Variants in MGAT5 observed in about 807,000 individuals in gnomAD.
The protein encoded by MGAT5 is alpha-1,6-mannosylglycoprotein 6-beta-N-acetylglucosaminyltransferase A.
A neutral mutation model predicts 94.3 loss-of-function variants in MGAT5; 30 were observed. The ratio of observed to expected loss-of-function variants is 0.32; its 90% CI spans 0.24 to 0.43. MGAT5 has a LOEUF of 0.43. Ranked by LOEUF, MGAT5 falls within the 20% of genes least tolerant of loss-of-function variation. The pLI is 1.00. For missense variants in MGAT5, 691 were observed against 905.5 expected, an observed-to-expected ratio of 0.76 and a Z score of 3.04; for synonymous variants, 310 against 322.9, an observed-to-expected ratio of 0.96 and a Z score of 0.43.
intron 2 of MGAT5, among the ~76,000 whole-genome samples, chr2:134,270,968 C>T (rs1346753011): frequency 6.6e-6 from 1 of 152,178 alleles, no homozygotes; most frequent in East Asian, 1.9e-4. Flanking sequence ...AAAGAGCCAC[C>T]ATTGCCGAAA....
intron 10 of MGAT5, among the ~76,000 whole-genome samples, chr2:134,387,277 A>T (rs549032955): frequency 7.2e-6 from 1 of 139,020 alleles, no homozygotes; most frequent in Admixed American, 7.5e-5. Context: ...AAAAAATAAA[A>T]ATAAAAAATA....
intron 4 of MGAT5, among the ~76,000 whole-genome samples, chr2:134,331,298 G>A (rs1487605711): frequency 6.6e-6 from 1 of 152,148 alleles, no homozygotes; most frequent in Non-Finnish European, 1.5e-5. Flanking sequence ...TCCATGGAAT[G>A]TGCATTGATG....
At chr2:134,158,565 G>A (rs1277608340) in intron 1 of MGAT5, among the ~76,000 whole-genome samples, 3 of 152,188 alleles carry the variant, frequency 2.0e-5, no homozygotes, top group Non-Finnish European at 4.4e-5. Context: ...GGTGCTAACT[G>A]GACCCCCAAG....
intron 2 of MGAT5, among the ~76,000 whole-genome samples, chr2:134,281,605 G>A (rs1684700061): frequency 6.6e-6 from 1 of 152,152 alleles, no homozygotes; most frequent in Admixed American, 6.6e-5. Context: ...TGGCACAGAA[G>A]GAATTTTCTC....
chr2:134,240,474 G>C (rs922405876), intron 1 of MGAT5, among the ~76,000 whole-genome samples: 1 of 151,990 alleles, frequency 6.6e-6, no homozygotes, highest in African/African-American at 2.4e-5. Flanking sequence ...TTTATTAAGA[G>C]CTTGGATATG....
chr2:134,412,953 T>G lies in MGAT5; in HGVS notation c.1615T>G (p.Phe539Val). 1 of 1,614,152 alleles carries G rather than the reference T, an allele frequency of 6.2e-7. No homozygotes were observed. The highest frequency in any genetic ancestry group is 8.5e-7 in the Non-Finnish European group (1 of 1,180,010). Residue 539 changes from phenylalanine to valine, a missense_variant, in exon 12 of 16, where the codon TTC becomes GTC. Physicochemically the swap from Phe to Val is conservative, Grantham distance 50. Transcript: ENST00000281923. ...TGGATGTGCTTTTCTGAATCCCAAG[T>G]TCAACCCACCCAAAAGCAGCAAAAA... ...ANGCAFLNPK[F>V]NPPKSSKNTD...
At chr2:134,325,293 A>G (rs1687578209) in intron 4 of MGAT5, among the ~76,000 whole-genome samples, 1 of 152,056 alleles carries the variant, frequency 6.6e-6, no homozygotes. Context: ...TGTCATCTCC[A>G]ATTTGTTTTT....
chr2:134,304,564 C>T (rs556657161), intron 2 of MGAT5, among the ~76,000 whole-genome samples: 1 of 152,292 alleles, frequency 6.6e-6, no homozygotes, highest in South Asian at 2.1e-4. Context: ...TGATGAATAG[C>T]ATTCCAGGAT....
rs898575902 is a variant in MGAT5, at chr2:134,451,280, T to G, written c.*2433T>G. 6.6e-6 allele frequency: 1 copy of G among 152,274 alleles called. No individual in the cohort carries two copies. The highest frequency in any genetic ancestry group is 2.4e-5 in the African/African-American group (1 of 41,464). The allele number at this position is 152,274 out of a possible 1,614,324, so 9.4% of individuals were successfully genotyped here. On this transcript the variant is annotated 3_prime_UTR_variant, in exon 16 of 16. Coordinates refer to ENST00000281923, the MANE Select transcript of MGAT5 (RefSeq NM_002410.5). The stretch of plus-strand genomic sequence containing the variant: ...GGCCAGACAGCCCAGAAGAACACTT[T>G]TCTGCCATTTAAAAATCCCTCTTTC...
chr2:134,388,852 C>T (rs1451841045), intron 10 of MGAT5, among the ~76,000 whole-genome samples: 4 of 150,740 alleles, frequency 2.7e-5, no homozygotes, highest in Non-Finnish European at 4.4e-5. Flanking sequence ...ACCTCCACCT[C>T]CCGGTTCAAG....
chr2:134,179,548 T>C lies in MGAT5; in HGVS notation c.-143+59257T>C, dbSNP rs116130061. 7.6e-3 allele frequency among the ~76,000 whole-genome samples: 1,159 copies of C among 152,312 alleles called. 20 individuals are homozygous for C. Among genetic ancestry groups the C allele is most frequent in the African/African-American group, 0.027 (1,110 of 41,564 alleles). ...TATAGAACAAGACCATTCTGGGCACTGCAAGTTGGCTGTCCTATTATCAGC... is the reference window on the plus strand; with the variant it reads ...TATAGAACAAGACCATTCTGGGCACCGCAAGTTGGCTGTCCTATTATCAGC... On this transcript the variant is annotated intron_variant, in intron 1 of 16. Transcript: ENST00000409645.
intron 1 of MGAT5, among the ~76,000 whole-genome samples, chr2:134,261,715 A>G (rs965927855): frequency 8.5e-5 from 13 of 152,150 alleles, no homozygotes; most frequent in Non-Finnish European, 1.5e-4. Flanking sequence ...TTACAATGTA[A>G]GTTCTGAAAG....
intron 1 of MGAT5, among the ~76,000 whole-genome samples, chr2:134,167,481 A>G (rs1321106300): frequency 1.3e-5 from 2 of 152,122 alleles, no homozygotes; most frequent in African/African-American, 4.8e-5. Context: ...TTTCCGATTG[A>G]GTGGGCCTGT....
intron 1 of MGAT5, among the ~76,000 whole-genome samples, chr2:134,187,673 GC>G (rs1276074955): frequency 3.3e-5 from 5 of 152,202 alleles, no homozygotes; most frequent in African/African-American, 7.2e-5. Flanking sequence ...CAACTTTGTT[GC>G]TATGTCCCGA....
intron 1 of MGAT5, among the ~76,000 whole-genome samples, chr2:134,181,861 A>G (rs963305595): frequency 6.6e-6 from 1 of 152,216 alleles, no homozygotes; most frequent in African/African-American, 2.4e-5. Context: ...AGCTTCCTCT[A>G]GGTGCAGTTC....
At chr2:134,333,393 A>G (rs990019514) in intron 4 of MGAT5, among the ~76,000 whole-genome samples, 25 of 130,652 alleles carry the variant, frequency 1.9e-4, no homozygotes, top group Non-Finnish European at 3.9e-4. Flanking sequence ...ATGAGAACAC[A>G]TGGACACAGG....
chr2:134,412,777 C>G, intron 11 of MGAT5, 92 bp from the exon 12 acceptor site: 1 of 1,519,450 alleles, frequency 6.6e-7, no homozygotes, highest in Admixed American at 1.8e-5. Flanking sequence ...GGGAATGGGC[C>G]ACAGAATCGC....
chr2:134,187,089 G>A (rs377513476), intron 1 of MGAT5, among the ~76,000 whole-genome samples: 23 of 152,316 alleles, frequency 1.5e-4, no homozygotes, highest in Admixed American at 3.3e-4. Context: ...CTTGAGGGCC[G>A]TGTGGGTGGA....
chr2:134,164,994 A>G (rs1176837732), intron 1 of MGAT5, among the ~76,000 whole-genome samples: 1 of 152,250 alleles, frequency 6.6e-6, no homozygotes. Context: ...GTATAAGATG[A>G]AAAGATGCTG....
Sources: gnomAD v4.1 joint callset for allele counts (sites outside exome capture counted in the v4.1 genomes callset) on GRCh38, gnomAD v4.1.1 for gene constraint, MANE v1.5 for transcripts, NCBI Gene and HGNC (gene_info 2026-07-23, HGNC 2026-07-21) for gene names.